The following XRCC4 variants were observed in gnomAD, a reference collection of about 807,000 sequenced individuals.
The protein encoded by XRCC4 is X-ray repair cross complementing 4, also known as DNA repair protein XRCC4.
Under a neutral mutation model 39.1 loss-of-function variants are expected in XRCC4, and 28 were observed. That is an observed-to-expected ratio of 0.72 (90% CI 0.53 to 0.98). The LOEUF is 0.98. XRCC4 is among the 50% of genes least tolerant of loss of function. The pLI is 0.00. For missense variants in XRCC4, 350 were observed against 376.4 expected (o/e 0.93, Z 0.58); for synonymous variants, 123 against 126.4 (o/e 0.97, Z 0.18).
intron 7 of XRCC4, among the ~76,000 whole-genome samples, chr5:83,345,140 G>A (rs186924390): frequency 3.9e-5 from 6 of 152,140 alleles, no homozygotes; most frequent in South Asian, 2.1e-4. Context: ...AGCATATGTC[G>A]CAGTATCTCC....
intron 3 of XRCC4, among the ~76,000 whole-genome samples, chr5:83,186,940 C>CTTT (rs1750468282): frequency 1.0e-5 from 1 of 96,828 alleles, no homozygotes; most frequent in African/African-American, 5.5e-5. Context: ...CTGCTTCTTC[C>CTTT]ATTTTTTTTT....
intron 1 of XRCC4, among the ~76,000 whole-genome samples, chr5:83,079,819 C>A (rs1354434450): frequency 6.6e-6 from 1 of 152,158 alleles, no homozygotes; most frequent in Non-Finnish European, 1.5e-5. Flanking sequence ...CAGGTGTAGG[C>A]CACCGCACCA....
chr5:83,210,314 TA>T (rs1251969016), intron 6 of XRCC4, among the ~76,000 whole-genome samples: 1 of 152,142 alleles, frequency 6.6e-6, no homozygotes, highest in African/African-American at 2.4e-5. Context: ...TTGATTTAGT[TA>T]AACCTACCAC....
intron 7 of XRCC4, among the ~76,000 whole-genome samples, chr5:83,267,325 A>C (rs993245698): frequency 6.6e-6 from 1 of 152,164 alleles, no homozygotes; most frequent in Non-Finnish European, 1.5e-5. Context: ...CCCCATCCAC[A>C]GCATCCCCTT....
At chr5:83,188,480 C>T (rs1216471174) in intron 3 of XRCC4, among the ~76,000 whole-genome samples, 1 of 152,094 alleles carries the variant, frequency 6.6e-6, no homozygotes, top group African/African-American at 2.4e-5. Flanking sequence ...TTAGTCCATT[C>T]TTATGTCACT....
intron 1 of XRCC4, among the ~76,000 whole-genome samples, chr5:83,079,452 C>A (rs1744834529): frequency 6.6e-6 from 1 of 152,094 alleles, no homozygotes; most frequent in African/African-American, 2.4e-5. Flanking sequence ...TGCAGTGAAT[C>A]CTCATTTAAA....
chr5:83,344,128 T>TCACACACACACA (rs10642662), intron 7 of XRCC4, among the ~76,000 whole-genome samples: 51 of 134,850 alleles, frequency 3.8e-4, no homozygotes, highest in African/African-American at 1.3e-3. Context: ...CTGACACAGA[T>TCACACACACACA]CTCACACACA....
intron 3 of XRCC4, among the ~76,000 whole-genome samples, chr5:83,183,412 T>TTGTGTGTGTGTG (rs369446374): frequency 2.9e-4 from 40 of 139,438 alleles, no homozygotes; most frequent in East Asian, 1.1e-3. Context: ...TTTCATTTAT[T>TTGTGTGTGTGTG]TGTGTGTGTG....
chr5:83,214,849 T>A (rs200729676), intron 6 of XRCC4, among the ~76,000 whole-genome samples: 7,674 of 42,786 alleles, frequency 0.18, 460 homozygotes, highest in East Asian at 0.5. Flanking sequence ...AAAAAAAAAA[T>A]AATAATAATA....
chr5:83,334,551 A>G (rs994442918), intron 7 of XRCC4, among the ~76,000 whole-genome samples: 1 of 152,006 alleles, frequency 6.6e-6, no homozygotes, highest in Non-Finnish European at 1.5e-5. Flanking sequence ...GTAGACCTGT[A>G]ATTATTGACA....
At chr5:83,236,868 G>GA (rs199522667) in intron 6 of XRCC4, among the ~76,000 whole-genome samples, 3,700 of 137,540 alleles carry the variant, frequency 0.027, 126 homozygotes, top group African/African-American at 0.082. Flanking sequence ...CTCAATAGGT[G>GA]AAAAAAAAAA....
intron 4 of XRCC4, 40 bp from the exon 5 acceptor site, chr5:83,203,512 G>T (rs1357437830): frequency 2.0e-6 from 3 of 1,531,348 alleles, no homozygotes; most frequent in South Asian, 1.3e-5. Context: ...ATGCTAAGCA[G>T]AACTGCATGA....
intron 6 of XRCC4, among the ~76,000 whole-genome samples, chr5:83,234,869 A>G (rs1363682088): frequency 1.6e-4 from 24 of 151,940 alleles, no homozygotes; most frequent in Admixed American, 1.6e-3. Flanking sequence ...ATAGGTTTAA[A>G]GAGGTTTAAG....
chr5:83,147,545 G>GT (rs770232057), intron 3 of XRCC4, among the ~76,000 whole-genome samples: 2 of 152,078 alleles, frequency 1.3e-5, no homozygotes, highest in African/African-American at 2.4e-5. Context: ...GTTACCTGGG[G>GT]TTGGGGGTGG....
intron 3 of XRCC4, among the ~76,000 whole-genome samples, chr5:83,148,202 A>G (rs760851850): frequency 6.6e-5 from 10 of 152,222 alleles, no homozygotes; most frequent in African/African-American, 2.4e-4. Context: ...GTGAATTTAA[A>G]ATGAGATTAG....
chr5:83,347,253 T>G (rs533573892), intron 7 of XRCC4, among the ~76,000 whole-genome samples: 1 of 152,220 alleles, frequency 6.6e-6, no homozygotes, highest in Admixed American at 6.5e-5. Context: ...AGGCTGTGAA[T>G]GTACAAGTAA....
At chr5:83,346,888 A>G (rs1756932799) in intron 7 of XRCC4, among the ~76,000 whole-genome samples, 2 of 152,220 alleles carry the variant, frequency 1.3e-5, no homozygotes. Flanking sequence ...CAAGTTTCTA[A>G]TTATTTGTTT....
Position 83,164,868 on chromosome 5 carries a change from A to G in XRCC4, c.316-30902A>G, listed in dbSNP as rs545115282. On this transcript the variant is annotated intron_variant, in intron 3 of 7. Transcript: ENST00000396027. ...AAGCTTAAGAAATTAAGAGTAAGCT[A>G]TAAGTAGTTGTAGCTGACAATATAA... 6.6e-5 allele frequency among the ~76,000 whole-genome samples: 10 copies of G among 152,282 alleles called. No homozygotes were observed. In the South Asian group the frequency reaches 1.4e-3, roughly 22 times the overall value.
intron 7 of XRCC4, among the ~76,000 whole-genome samples, chr5:83,294,301 T>C (rs1245346918): frequency 6.6e-6 from 1 of 151,998 alleles, no homozygotes; most frequent in Non-Finnish European, 1.5e-5. Flanking sequence ...TGAAAGACAA[T>C]GAGGATGATA....
Sources: allele counts gnomAD v4.1 joint callset (sites outside exome capture counted in the v4.1 genomes callset), GRCh38; gene constraint gnomAD v4.1.1; transcripts MANE v1.5; gene names NCBI Gene and HGNC (gene_info 2026-07-23, HGNC 2026-07-21).